Variants in TTC8 observed in about 807,000 individuals in gnomAD.
TTC8 encodes the protein tetratricopeptide repeat domain 8, also known as tetratricopeptide repeat protein 8.
A neutral mutation model predicts 72.5 loss-of-function variants in TTC8; 47 were observed. That is an observed-to-expected ratio of 0.65 (90% CI 0.51 to 0.83). The LOEUF is 0.83. Ranked by LOEUF, TTC8 falls within the 40% of genes least tolerant of loss-of-function variation. The probability of loss-of-function intolerance (pLI) is 0.00; values close to 1 mark genes in which losing one functional copy is unlikely to be tolerated. For missense variants in TTC8, 611 were observed against 623.2 expected, an observed-to-expected ratio of 0.98 and a Z score of 0.21; for synonymous variants, 199 against 221.4, an observed-to-expected ratio of 0.90 and a Z score of 0.90.
At chr14:88,847,419 A>C (rs1162211013) in intron 7 of TTC8, among the ~76,000 whole-genome samples, 1 of 152,200 alleles carries the variant, frequency 6.6e-6, no homozygotes, top group Non-Finnish European at 1.5e-5. Flanking sequence ...ATTAACACGG[A>C]GGTGATAGTA....
intron 7 of TTC8, among the ~76,000 whole-genome samples, chr14:88,847,877 C>T (rs1322959201): frequency 6.6e-6 from 1 of 152,050 alleles, no homozygotes; most frequent in Non-Finnish European, 1.5e-5. Flanking sequence ...AATCCCAGCA[C>T]TTTGGGAGGC....
At chr14:88,878,890 G>A (rs2094965905), downstream of TTC8, 1 of 152,114 alleles carries the variant, frequency 6.6e-6, no homozygotes, top group Non-Finnish European at 1.5e-5. Flanking sequence ...TGAGAATACT[G>A]AGGCATAGTA....
At chr14:88,847,752 G>A (rs1033000405) in intron 7 of TTC8, among the ~76,000 whole-genome samples, 13 of 152,054 alleles carry the variant, frequency 8.5e-5, no homozygotes, top group Admixed American at 2.6e-4. Flanking sequence ...AACAAAATCA[G>A]AAGTAAAAGG....
chr14:88,832,187 G>A (rs2094728854), intron 1 of TTC8, among the ~76,000 whole-genome samples: 1 of 152,136 alleles, frequency 6.6e-6, no homozygotes. Context: ...ATCCCTGAAG[G>A]GCAGAGGAAC....
intron 2 of TTC8, among the ~76,000 whole-genome samples, chr14:88,837,436 A>G (rs1330945951): frequency 6.6e-6 from 1 of 152,014 alleles, no homozygotes; most frequent in East Asian, 1.9e-4. Flanking sequence ...TTCCCATTAC[A>G]TGGAAATTCT....
At chr14:88,831,598 T>C (rs1300546547) in intron 1 of TTC8, among the ~76,000 whole-genome samples, 1 of 152,178 alleles carries the variant, frequency 6.6e-6, no homozygotes, top group Non-Finnish European at 1.5e-5. Context: ...TAAATGGTGA[T>C]GATAGTATAC....
intron 1 of TTC8, among the ~76,000 whole-genome samples, chr14:88,832,202 C>A (rs2140959035): frequency 6.6e-6 from 1 of 152,322 alleles, no homozygotes; most frequent in South Asian, 2.1e-4. Context: ...AGGAACAAGA[C>A]AGAGAGATCG....
downstream of TTC8, chr14:88,878,988 A>G (rs1019925377): frequency 6.6e-6 from 1 of 152,220 alleles, no homozygotes; most frequent in Admixed American, 6.5e-5. Context: ...CACTAGGTCA[A>G]ATCACCTCTC....
chr14:88,853,113 A>G, intron 8 of TTC8, 57 bp downstream of exon 8: 1 of 1,293,334 alleles, frequency 7.7e-7, no homozygotes, highest in Non-Finnish European at 1.1e-6. Context: ...AGGGTCTCAA[A>G]TCTGATACTT....
chr14:88,870,215 A>T lies in TTC8; in HGVS notation c.1049+17A>T. The stretch of plus-strand genomic sequence containing the variant: ...GTTTTACAGGTGCACTTCACATCCA[A>T]TTCTTAGAACCACTTTCCTGTGAAA... On this transcript the variant is annotated intron_variant, in intron 11 of 14. Transcript: ENST00000380656. 1 of 1,613,566 alleles carries T rather than the reference A, an allele frequency of 6.2e-7. No individual in the cohort carries two copies. The highest frequency in any genetic ancestry group is 8.5e-7 in the Non-Finnish European group (1 of 1,179,490).
downstream of TTC8, chr14:88,880,990 T>C (rs1009188249): frequency 1.3e-5 from 2 of 152,166 alleles, no homozygotes; most frequent in South Asian, 2.1e-4. Context: ...ATATATGAGG[T>C]GAAGGTACTG....
chr14:88,861,178 A>G (rs752186696), intron 9 of TTC8, 44 bp from the exon 10 acceptor site: 8 of 1,336,890 alleles, frequency 6.0e-6, no homozygotes, highest in Non-Finnish European at 8.5e-6. Context: ...ACAAATATTA[A>G]TTTTAAGAAC....
chr14:88,857,021 G>A (rs1005844456), intron 8 of TTC8, among the ~76,000 whole-genome samples, 169 bp from the exon 9 acceptor site: 1 of 152,154 alleles, frequency 6.6e-6, no homozygotes, highest in Non-Finnish European at 1.5e-5. Flanking sequence ...TGGGAGATAG[G>A]CAACTTATTG....
chr14:88,858,414 G>A (rs1362462856), intron 9 of TTC8, among the ~76,000 whole-genome samples: 1 of 152,140 alleles, frequency 6.6e-6, no homozygotes, highest in Non-Finnish European at 1.5e-5. Context: ...AAAAGAAGAT[G>A]AGATATAAAA....
At chr14:88,877,175 A>G in intron 14 of TTC8, 119 bp from the exon 15 acceptor site, 1 of 775,884 alleles carries the variant, frequency 1.3e-6, no homozygotes, top group Non-Finnish European at 2.1e-6. Context: ...TTAAAAAAAA[A>G]AGAAAAGAAC....
At chr14:88,879,975 C>T (rs993124942), downstream of TTC8, 3 of 152,128 alleles carry the variant, frequency 2.0e-5, no homozygotes, top group Non-Finnish European at 2.9e-5. Flanking sequence ...CTGCACCCAG[C>T]GTCTCTACAC....
At chr14:88,839,634 A>C in intron 3 of TTC8, 62 bp downstream of exon 3, 1 of 1,570,806 alleles carries the variant, frequency 6.4e-7, no homozygotes, top group East Asian at 2.3e-5. Flanking sequence ...TACTGTGTAT[A>C]AGAGGAATAT....
At chr14:88,830,094 A>G (rs563238349) in intron 1 of TTC8, among the ~76,000 whole-genome samples, 7 of 152,168 alleles carry the variant, frequency 4.6e-5, no homozygotes, top group Non-Finnish European at 8.8e-5. Context: ...CCCTTCTTTT[A>G]TTACTAAATT....
At chr14:88,843,104 G>C (rs568709605) in intron 6 of TTC8, among the ~76,000 whole-genome samples, 2 of 152,190 alleles carry the variant, frequency 1.3e-5, no homozygotes, top group South Asian at 4.1e-4. Flanking sequence ...GTACCAATAA[G>C]AGTAAATGCT....
Sources: allele counts gnomAD v4.1 joint callset (sites outside exome capture counted in the v4.1 genomes callset), GRCh38; gene constraint gnomAD v4.1.1; transcripts MANE v1.5; gene names NCBI Gene and HGNC (gene_info 2026-07-23, HGNC 2026-07-21).